The following DPP6 variants were observed in gnomAD, a reference collection of about 807,000 sequenced individuals.
DPP6 encodes the protein dipeptidyl peptidase like 6.
DPP6 carries 69 observed loss-of-function variants against 122.6 expected under a neutral mutation model. That is an observed-to-expected ratio of 0.56 (90% CI 0.46 to 0.69). DPP6 has a LOEUF of 0.69. DPP6 is among the 30% of genes least tolerant of loss of function. The probability of loss-of-function intolerance (pLI) is 0.00; values close to 1 mark genes in which losing one functional copy is unlikely to be tolerated. For synonymous variants in DPP6, 418 were observed against 433.1 expected (o/e 0.97, Z 0.43); for missense variants, 928 against 1,116.9 (o/e 0.83, Z 2.41).
At chr7:153,891,357 A>G (rs938462009) in intron 1 of DPP6, among the ~76,000 whole-genome samples, 3 of 152,126 alleles carry the variant, frequency 2.0e-5, no homozygotes, top group Admixed American at 2.0e-4. Context: ...AGAAGAGTCT[A>G]TTTCATAAAC....
At chr7:154,619,504 A>G (rs1490031203) in intron 5 of DPP6, among the ~76,000 whole-genome samples, 1 of 152,244 alleles carries the variant, frequency 6.6e-6, no homozygotes, top group Admixed American at 6.5e-5. Context: ...ATGTGAACAC[A>G]CTTATGAAAC....
chr7:154,669,578 C>T (rs1216001711), intron 7 of DPP6, 137 bp downstream of exon 7: 53 of 1,348,764 alleles, frequency 3.9e-5, no homozygotes, highest in Admixed American at 2.9e-4. Flanking sequence ...AAATTAAAAT[C>T]TGGAGAGGTA....
At chr7:154,871,609 A>G (rs994469742) in intron 18 of DPP6, among the ~76,000 whole-genome samples, 6 of 152,196 alleles carry the variant, frequency 3.9e-5, no homozygotes, top group Non-Finnish European at 8.8e-5. Context: ...AGCAGCCCAG[A>G]CCATGTTTTA....
chr7:154,004,323 G>T (rs991075157), intron 1 of DPP6, among the ~76,000 whole-genome samples: 10 of 152,220 alleles, frequency 6.6e-5, no homozygotes, highest in African/African-American at 2.4e-4. Context: ...CCATAGGGGT[G>T]AGGAGGGTGA....
intron 1 of DPP6, among the ~76,000 whole-genome samples, chr7:154,280,609 A>G (rs1804437984): frequency 1.3e-5 from 2 of 152,328 alleles, no homozygotes; most frequent in Non-Finnish European, 2.9e-5. Flanking sequence ...TATTAATTCA[A>G]TTTACACTTG....
chr7:154,420,471 G>C (rs961097518), intron 1 of DPP6, among the ~76,000 whole-genome samples: 2 of 152,178 alleles, frequency 1.3e-5, no homozygotes, highest in African/African-American at 2.4e-5. Flanking sequence ...CTCATGGAAG[G>C]AGAGAATAGA....
At chr7:154,411,174 A>G (rs1816565715) in intron 1 of DPP6, among the ~76,000 whole-genome samples, 1 of 152,234 alleles carries the variant, frequency 6.6e-6, no homozygotes, top group Non-Finnish European at 1.5e-5. Flanking sequence ...ATATATTAGC[A>G]TCTTTAAATG....
At chr7:154,398,188 ATGT>A (rs1753225398) in intron 1 of DPP6, among the ~76,000 whole-genome samples, 1 of 152,182 alleles carries the variant, frequency 6.6e-6, no homozygotes. Context: ...CAGTCACCAG[ATGT>A]TGTGCATATG....
intron 1 of DPP6, among the ~76,000 whole-genome samples, chr7:154,081,404 G>A (rs1324842809): frequency 4.5e-5 from 6 of 133,676 alleles, no homozygotes; most frequent in East Asian, 4.2e-4. Flanking sequence ...TCCTATTAGC[G>A]TACTTTTGAG....
At position 154,199,987 on chromosome 7, in the gene DPP6, T is replaced by C. The variant is rs906670966; in HGVS notation, c.243+146924T>C. ...AGAGCCCCGCCCGTAATGCCTGGAC[T>C]CACAGGCTGCTGGGCTTAGCAGTCT... is the stretch of plus-strand genomic sequence containing the variant. On this transcript the variant is annotated intron_variant, in intron 1 of 25. Coordinates refer to ENST00000377770, the MANE Select transcript of DPP6 (RefSeq NM_130797.4). 2.6e-5 allele frequency among the ~76,000 whole-genome samples: 4 copies of C among 152,174 alleles called. No homozygotes were observed. The East Asian group carries it at 7.7e-4, about 29-fold the overall frequency.
In DPP6 at chr7:154,223,641, CAT is replaced by C. The variant is rs946868038; in HGVS notation, c.243+170579_243+170580del. ...AATGTTAGAATATTCTAGGCAGAAA[CAT>C]GTGGCCAAGTCCTGTTGGGCGGGGG... On this transcript the variant is annotated intron_variant, in intron 1 of 25. Coordinates refer to ENST00000377770, the MANE Select transcript of DPP6 (RefSeq NM_130797.4). Among the ~76,000 whole-genome samples, 50 of 149,204 alleles carry C rather than the reference CAT, an allele frequency of 3.4e-4. 9 individuals carry two copies. The highest frequency in any genetic ancestry group is 1.3e-3 in the African/African-American group (49 of 39,162).
chr7:153,870,127 T>A, the DPP6 span, among the ~76,000 whole-genome samples: 2 of 152,060 alleles, frequency 1.3e-5, no homozygotes, highest in African/African-American at 4.8e-5. Flanking sequence ...CAATTATGTG[T>A]CTTGGAGTTG....
chr7:154,400,122 C>T (rs1233061924), intron 1 of DPP6, among the ~76,000 whole-genome samples: 1 of 152,054 alleles, frequency 6.6e-6, no homozygotes, highest in African/African-American at 2.4e-5. Flanking sequence ...TAAGAGAGAC[C>T]AGGGAGCAGT....
intron 1 of DPP6, among the ~76,000 whole-genome samples, chr7:154,301,117 AC>A (rs1313607277): frequency 1.3e-5 from 2 of 152,092 alleles, no homozygotes; most frequent in African/African-American, 4.8e-5. Flanking sequence ...CAATTTCCTC[AC>A]CTGTAAAATG....
chr7:154,254,775 G>A (rs1387363151), intron 1 of DPP6, among the ~76,000 whole-genome samples: 1 of 152,100 alleles, frequency 6.6e-6, no homozygotes, highest in Non-Finnish European at 1.5e-5. Flanking sequence ...GAGCTTCAAT[G>A]AGAGAAGGAA....
intron 1 of DPP6, among the ~76,000 whole-genome samples, chr7:154,400,500 G>A (rs1288824514): frequency 6.6e-6 from 1 of 152,196 alleles, no homozygotes; most frequent in Non-Finnish European, 1.5e-5. Flanking sequence ...ATTTCCCACT[G>A]GGGCCATTTT....
chr7:154,306,225 G>A (rs535103430), intron 1 of DPP6, among the ~76,000 whole-genome samples: 1 of 152,180 alleles, frequency 6.6e-6, no homozygotes, highest in Non-Finnish European at 1.5e-5. Flanking sequence ...CAGGGCGGCC[G>A]CTCGCCTTGT....
chr7:154,845,215 G>C (rs1563275782), intron 16 of DPP6, among the ~76,000 whole-genome samples: 2 of 152,182 alleles, frequency 1.3e-5, no homozygotes, highest in Non-Finnish European at 2.9e-5. Flanking sequence ...GATGAGACAT[G>C]GCTTCGTGGC....
chr7:154,322,842 T>C (rs1808093495), intron 1 of DPP6, among the ~76,000 whole-genome samples: 1 of 152,190 alleles, frequency 6.6e-6, no homozygotes, highest in African/African-American at 2.4e-5. Flanking sequence ...ATTAGCTAAA[T>C]ATGCCTGCTT....
Sources: allele counts gnomAD v4.1 joint callset (sites outside exome capture counted in the v4.1 genomes callset), GRCh38; gene constraint gnomAD v4.1.1; transcripts MANE v1.5; gene names NCBI Gene and HGNC (gene_info 2026-07-23, HGNC 2026-07-21).